The following LOXHD1 variants were observed in gnomAD, a reference collection of about 807,000 sequenced individuals.
LOXHD1 encodes lipoxygenase homology PLAT domains 1.
A neutral mutation model predicts 248.2 loss-of-function variants in LOXHD1; 205 were observed. The ratio of observed to expected loss-of-function variants is 0.83; its 90% CI spans 0.74 to 0.93. The LOEUF is 0.93. LOXHD1 is among the 40% of genes least tolerant of loss of function. The pLI is 0.00. For missense variants in LOXHD1, 2,930 were observed against 2,971.6 expected, an observed-to-expected ratio of 0.99 and a Z score of 0.33; for synonymous variants, 1,113 against 1,162.8, an observed-to-expected ratio of 0.96 and a Z score of 0.87.
intron 29 of LOXHD1, among the ~76,000 whole-genome samples, chr18:46,528,853 T>C (rs924922814): frequency 6.6e-6 from 1 of 152,164 alleles, no homozygotes; most frequent in Non-Finnish European, 1.5e-5. Flanking sequence ...TCCACGTTCA[T>C]GAACCATGCA....
At chr18:46,509,885 A>T (rs1015838591) in intron 34 of LOXHD1, 70 bp from the exon 35 acceptor site, 12 of 1,101,214 alleles carry the variant, frequency 1.1e-5, no homozygotes, top group Non-Finnish European at 1.5e-5. Context: ...GGGCCAGGCC[A>T]GAGGCCAGGT....
intron 21 of LOXHD1, 50 bp downstream of exon 21, chr18:46,557,306 T>C: frequency 6.8e-7 from 1 of 1,462,158 alleles, no homozygotes; most frequent in Non-Finnish European, 9.2e-7. Context: ...GTGGCAGACA[T>C]GGCCTCCCTC....
intron 35 of LOXHD1, among the ~76,000 whole-genome samples, chr18:46,507,924 G>A (rs549776072): frequency 2.6e-5 from 4 of 152,280 alleles, no homozygotes; most frequent in Admixed American, 1.3e-4. Flanking sequence ...AAGTCCTTAC[G>A]AGGACTGCCC....
chr18:46,533,355 C>T, intron 27 of LOXHD1, 31 bp from the exon 28 acceptor site: 1 of 1,549,592 alleles, frequency 6.5e-7, no homozygotes, highest in Non-Finnish European at 8.7e-7. Flanking sequence ...GAAAATTAGC[C>T]CTTAATGTGA....
chr18:46,538,892 GC>G (rs1394081114), intron 25 of LOXHD1, among the ~76,000 whole-genome samples: 5 of 152,148 alleles, frequency 3.3e-5, no homozygotes, highest in Admixed American at 3.3e-4. Context: ...TGGCCTGCCT[GC>G]CCCAACCCAT....
chr18:46,623,649 G>A (rs1300816947), intron 4 of LOXHD1, among the ~76,000 whole-genome samples: 1 of 152,362 alleles, frequency 6.6e-6, no homozygotes, highest in East Asian at 1.9e-4. Context: ...CTCTAAACAG[G>A]AAATCCGTCC....
intron 5 of LOXHD1, among the ~76,000 whole-genome samples, chr18:46,613,497 C>T (rs1309250291): frequency 1.3e-5 from 2 of 151,880 alleles, no homozygotes; most frequent in African/African-American, 2.4e-5. Flanking sequence ...TTATTTTTTA[C>T]AAAAATGAAA....
intron 28 of LOXHD1, among the ~76,000 whole-genome samples, chr18:46,529,539 AC>A (rs528215869): frequency 6.6e-6 from 1 of 152,066 alleles, no homozygotes; most frequent in South Asian, 2.1e-4. Flanking sequence ...TCTGATCTAG[AC>A]CCAGGTAGGC....
At chr18:46,527,833 G>A (rs539190339) in intron 29 of LOXHD1, among the ~76,000 whole-genome samples, 1 of 152,322 alleles carries the variant, frequency 6.6e-6, no homozygotes, top group Admixed American at 6.5e-5. Context: ...TTTCAGCCCA[G>A]AGGTCTAATT....
In LOXHD1 at chr18:46,610,919, G is replaced by A; in HGVS notation, c.616C>T (p.Arg206Cys). Reference protein sequence around the residue: ...IFGEYGDTGERRLENEKDNFE... With the variant: ...IFGEYGDTGECRLENEKDNFE... ...TTGTCCTTTTCATTTTCTAGCCTACGCTCCCCTGTATGCACAGACATACAA... is the reference window on the plus strand; with the variant it reads ...TTGTCCTTTTCATTTTCTAGCCTACACTCCCCTGTATGCACAGACATACAA... The change falls in exon 6 of 41, where the codon CGT becomes TGT. Residue 206 changes from arginine to cysteine, a missense_variant. Coordinates refer to ENST00000642948, the MANE Select transcript of LOXHD1 (RefSeq NM_001384474.1). 7 of 1,551,722 alleles carry A rather than the reference G, an allele frequency of 4.5e-6. No homozygotes were observed. The highest frequency in any genetic ancestry group is 3.6e-5 in the South Asian group (3 of 84,050).
In LOXHD1 at chr18:46,569,740, T is replaced by C. The variant is rs1824682; in HGVS notation, c.2048-102A>G. The stretch of plus-strand genomic sequence containing the variant: ...AGGGCAGCCTGGAGCTGGAGGTTTG[T>C]GGGGAACACACGCTGGGAATTGAAA... On this transcript the variant is annotated intron_variant, in intron 15 of 40. Coordinates refer to ENST00000642948, the MANE Select transcript of LOXHD1 (RefSeq NM_001384474.1). 0.23 allele frequency: 206,576 copies of C among 892,746 alleles called. 25,623 individuals carry two copies. The highest frequency in any genetic ancestry group is 0.41 in the African/African-American group (24,420 of 59,556). The allele number at this position is 892,746 out of a possible 1,614,324, so 55.3% of individuals were successfully genotyped here. A position where few individuals can be genotyped will look rare whatever the true frequency, so the allele number is the denominator to read the frequency against.
chr18:46,565,435 T>C (rs899384621), intron 17 of LOXHD1, among the ~76,000 whole-genome samples: 8 of 152,216 alleles, frequency 5.3e-5, no homozygotes, highest in Non-Finnish European at 2.9e-5. Context: ...TATCCTATTA[T>C]TGTCTGTCTC....
At chr18:46,552,195 T>C (rs1382062743) in intron 21 of LOXHD1, among the ~76,000 whole-genome samples, 1 of 152,206 alleles carries the variant, frequency 6.6e-6, no homozygotes, top group Admixed American at 6.5e-5. Flanking sequence ...TAATAAATTG[T>C]ATGTCATGTG....
At chr18:46,639,569 C>T (rs2038936245) in intron 4 of LOXHD1, 47 bp downstream of exon 4, 4 of 1,524,338 alleles carry the variant, frequency 2.6e-6, no homozygotes, top group Non-Finnish European at 3.5e-6. Flanking sequence ...TGGGTGAGCC[C>T]AGCCCAGCTA....
chr18:46,639,086 C>G (rs938014800), intron 4 of LOXHD1, among the ~76,000 whole-genome samples: 1 of 152,094 alleles, frequency 6.6e-6, no homozygotes, highest in Non-Finnish European at 1.5e-5. Context: ...TTAAAATGAT[C>G]GAATTTAAGG....
intron 6 of LOXHD1, among the ~76,000 whole-genome samples, chr18:46,607,131 T>C (rs1194593055): frequency 7.5e-4 from 114 of 151,340 alleles, no homozygotes; most frequent in Non-Finnish European, 1.3e-4. Flanking sequence ...ATTGTGCCAC[T>C]GCACTCCAGC....
chr18:46,540,707 G>T (rs957318475), intron 25 of LOXHD1, among the ~76,000 whole-genome samples: 2 of 133,946 alleles, frequency 1.5e-5, no homozygotes, highest in Admixed American at 1.7e-4. Context: ...CATGTAGGGA[G>T]AAATGGATAC....
intron 21 of LOXHD1, among the ~76,000 whole-genome samples, chr18:46,548,440 C>T (rs1370226663): frequency 6.6e-6 from 1 of 152,140 alleles, no homozygotes; most frequent in Non-Finnish European, 1.5e-5. Flanking sequence ...TCAATGGGCT[C>T]AGATGGGGTG....
intron 40 of LOXHD1, among the ~76,000 whole-genome samples, chr18:46,481,126 C>T (rs1208008976): frequency 6.6e-6 from 1 of 152,148 alleles, no homozygotes; most frequent in East Asian, 1.9e-4. Context: ...CCAAATATGG[C>T]TAACATGGTG....
Sources: gnomAD v4.1 joint callset for allele counts (sites outside exome capture counted in the v4.1 genomes callset) on GRCh38, gnomAD v4.1.1 for gene constraint, MANE v1.5 for transcripts, NCBI Gene and HGNC (gene_info 2026-07-23, HGNC 2026-07-21) for gene names.